The following NSUN2 variants were observed in gnomAD, a reference collection of about 807,000 sequenced individuals.
The protein encoded by NSUN2 is RNA cytosine C(5)-methyltransferase NSUN2.
NSUN2 carries 63 observed loss-of-function variants against 92.7 expected under a neutral mutation model. The ratio of observed to expected loss-of-function variants is 0.68; its 90% CI spans 0.56 to 0.84. The LOEUF is 0.84. Ranked by LOEUF, NSUN2 falls within the 40% of genes least tolerant of loss-of-function variation. The pLI is 0.00. For synonymous variants in NSUN2, 356 were observed against 348.3 expected, an observed-to-expected ratio of 1.02 and a Z score of -0.25; for missense variants, 989 against 964.9, an observed-to-expected ratio of 1.02 and a Z score of -0.33.
At chr5:6,617,287 A>C (rs1737250021) in intron 8 of NSUN2, among the ~76,000 whole-genome samples, 1 of 152,202 alleles carries the variant, frequency 6.6e-6, no homozygotes. Context: ...GCCTCCTGCT[A>C]TAGTTGGTTG....
At chr5:6,630,110 A>G (rs1737815580) in intron 3 of NSUN2, among the ~76,000 whole-genome samples, 1 of 152,202 alleles carries the variant, frequency 6.6e-6, no homozygotes, top group Admixed American at 6.5e-5. Context: ...CCTAGTTACC[A>G]GGAGGAAGAA....
chr5:6,631,593 G>A (rs540881169), intron 3 of NSUN2, among the ~76,000 whole-genome samples: 1 of 152,350 alleles, frequency 6.6e-6, no homozygotes, highest in African/African-American at 2.4e-5. Flanking sequence ...AACAAGGGCT[G>A]TAAAAGGGAG....
intron 4 of NSUN2, among the ~76,000 whole-genome samples, chr5:6,624,999 C>T (rs373415210): frequency 5.3e-5 from 8 of 151,706 alleles, no homozygotes; most frequent in Admixed American, 6.6e-5. Context: ...TGGGTGGCTA[C>T]GGAGAATGTG....
In NSUN2 at chr5:6,632,752, C is replaced by T; in HGVS notation, c.101G>A (p.Trp34Ter). 6.2e-7 allele frequency: 1 copy of T among 1,613,600 alleles called. No individual in the cohort carries two copies. Among genetic ancestry groups the T allele is most frequent in the Non-Finnish European group, 8.5e-7 (1 of 1,179,712 alleles). ...GACGATCTCGGGGTAGCCTCCTTCC[C>T]AGCCCTGAGGAAGGAAAGAGACGTC... ...EGGGKRGEAG[W>*]EGGYPEIVKE... The change falls in exon 2 of 19, where the codon TGG (tryptophan) becomes TAG (stop). Residue 34 changes from tryptophan to a stop codon, truncating the protein, a stop_gained. Coordinates refer to ENST00000264670, the MANE Select transcript of NSUN2 (RefSeq NM_017755.6). LOFTEE classifies it high-confidence loss of function.
chr5:6,627,741 G>C (rs1361881457), intron 3 of NSUN2, among the ~76,000 whole-genome samples: 3 of 152,244 alleles, frequency 2.0e-5, no homozygotes, highest in African/African-American at 7.2e-5. Context: ...GCGAGGCCCT[G>C]TTTCTACAAG....
At chr5:6,602,666 G>C (rs1398130701) in intron 17 of NSUN2, among the ~76,000 whole-genome samples, 166 bp from the exon 18 acceptor site, 3 of 152,176 alleles carry the variant, frequency 2.0e-5, no homozygotes, top group Admixed American at 6.5e-5. Flanking sequence ...AGGCCGTCTG[G>C]ATACATGAAC....
chr5:6,611,181 T>C lies in NSUN2; in HGVS notation c.1096-96A>G, dbSNP rs1736974727. ...TATCCATTCTCTCAAAGGTGACAAA[T>C]GGTGATTCTCATTCACTCCAAAGAT... On this transcript the variant is annotated intron_variant, in intron 10 of 18. Transcript: ENST00000264670. 4 of 1,375,886 alleles carry C rather than the reference T, an allele frequency of 2.9e-6. No homozygotes were observed. In the African/African-American group the frequency reaches 4.3e-5, roughly 15 times the overall value. The allele number at this position is 1,375,886 out of a possible 1,614,324, so 85.2% of individuals were successfully genotyped here. A position where few individuals can be genotyped will look rare whatever the true frequency, so the allele number is the denominator to read the frequency against.
chr5:6,605,381 G>A lies in NSUN2; in HGVS notation c.1629C>T (p.Phe543=). The A allele has an allele frequency of 6.2e-7, 1 of 1,614,084 alleles. No individual in the cohort carries two copies. Among genetic ancestry groups the A allele is most frequent in the Non-Finnish European group, 8.5e-7 (1 of 1,179,984 alleles). The change falls in exon 15 of 19, where the codon TTC becomes TTT. Residue 543 remains phenylalanine, a synonymous_variant. Transcript: ENST00000264670. ...TCCGAGTTAACAAATTCATCCTTGG[G>A]AATGAAGGATCCAAAGCATAAAATT... The part of the protein sequence containing the change: ...IEKFYALDPS[F]PRMNLLTRTT...
Position 6,599,964 on chromosome 5 carries a change from C to T in NSUN2, c.2266G>A (p.Ala756Thr). ...TGGACCCCCGCCGGGTCACAGCCTG[C>T]TGTCACGTCTGGACTGTTGGCCTCT... ...AEEANSPDVTAGCDPAGVHPP... is the reference protein window; with the variant it reads ...AEEANSPDVTTGCDPAGVHPP... The change falls in exon 19 of 19, where the codon GCA (alanine) becomes ACA (threonine). Residue 756 changes from alanine to threonine, a missense_variant. Physicochemically the swap from Ala to Thr is moderately conservative, Grantham distance 58. Around this residue, in one of 3 missense-constraint regions of NSUN2, gnomAD observed 626 missense variants for 602.3 expected, o/e 1.04. Transcript: ENST00000264670. 1 of 1,614,118 alleles carries T rather than the reference C, an allele frequency of 6.2e-7. No individual in the cohort carries two copies. The highest frequency in any genetic ancestry group is 8.5e-7 in the Non-Finnish European group (1 of 1,180,046).
At chr5:6,616,961 C>A in intron 8 of NSUN2, 104 bp from the exon 9 acceptor site, 2 of 1,020,570 alleles carry the variant, frequency 2.0e-6, no homozygotes, top group Non-Finnish European at 2.7e-6. Context: ...TTTTATAACA[C>A]AATTATACTT....
At chr5:6,619,878 T>C (rs1737364644) in intron 7 of NSUN2, among the ~76,000 whole-genome samples, 1 of 152,222 alleles carries the variant, frequency 6.6e-6, no homozygotes, top group Admixed American at 6.5e-5. Context: ...TTTATCTTTC[T>C]GCAGGCTATT....
intron 2 of NSUN2, 45 bp from the exon 3 acceptor site, chr5:6,632,022 T>G: frequency 1.4e-6 from 2 of 1,416,910 alleles, no homozygotes; most frequent in Non-Finnish European, 2.0e-6. Context: ...AAAAACTAAG[T>G]TAATACATTG....
rs1181246837 is a variant in NSUN2 at position 6,633,014 on chromosome 5, C to A, written c.-35G>T. On this transcript the variant is annotated 5_prime_UTR_variant, in exon 1 of 19. Coordinates refer to ENST00000264670, the MANE Select transcript of NSUN2 (RefSeq NM_017755.6). Reference sequence around the variant, plus strand: ...GGCCGCGCACGCAGCACGCAGAAACCGGCCCGCCACGGCCAGAACTCTAGC... The same window carrying A: ...GGCCGCGCACGCAGCACGCAGAAACAGGCCCGCCACGGCCAGAACTCTAGC... 7 of 1,412,536 alleles carry A rather than the reference C, an allele frequency of 5.0e-6. No homozygotes were observed. The highest frequency in any genetic ancestry group is 4.5e-5 in the African/African-American group (3 of 66,154). 87.5% of individuals were successfully genotyped at this position (1,412,536 alleles called of 1,614,324 possible). A position where few individuals can be genotyped will look rare whatever the true frequency, so the allele number is the denominator to read the frequency against.
In NSUN2 at chr5:6,632,889, C is replaced by T. The variant is rs1439876594; in HGVS notation, c.91G>A (p.Glu31Lys). The T allele has an allele frequency of 1.3e-6, 2 of 1,531,652 alleles. No individual in the cohort carries two copies. Among genetic ancestry groups the T allele is most frequent in the South Asian group, 1.2e-5 (1 of 83,816 alleles). 94.9% of individuals were successfully genotyped at this position (1,531,652 alleles called of 1,614,324 possible). A position where few individuals can be genotyped will look rare whatever the true frequency, so the allele number is the denominator to read the frequency against. ...CGCCGGGTCCCGGCTCCTACCGCCT[C>T]GCCGCGCTTTCCACCACCCTCGGCG... is the stretch of plus-strand genomic sequence containing the variant. ...DGAEGGGKRGEAGWEGGYPEI... is the reference protein window; with the variant it reads ...DGAEGGGKRGKAGWEGGYPEI... Residue 31 changes from glutamate to lysine, a missense_variant, in exon 1 of 19, where the codon GAG (glutamate) becomes AAG (lysine). Transcript: ENST00000264670.
chr5:6,620,296 C>A lies in NSUN2; in HGVS notation c.625G>T (p.Gly209Ter). ...TCCACATCATTCGCAATAACAAATCCCTCTGAAGGCACAGAATTGCAGTGT... is the reference window on the plus strand; with the variant it reads ...TCCACATCATTCGCAATAACAAATCACTCTGAAGGCACAGAATTGCAGTGT... ...HADMNVPFPE[G>*]FVIANDVDNK... is the part of the protein sequence containing the mutation. Residue 209 changes from glycine (G) to a stop codon, truncating the protein, a stop_gained and splice_region_variant, in exon 7 of 19, where the codon GGA becomes TGA. Coordinates refer to ENST00000264670, the MANE Select transcript of NSUN2 (RefSeq NM_017755.6). LOFTEE classifies it high-confidence loss of function. 1 of 1,577,290 alleles carries A rather than the reference C, an allele frequency of 6.3e-7. No homozygotes were observed. The highest frequency in any genetic ancestry group is 8.6e-7 in the Non-Finnish European group (1 of 1,162,126).
At chr5:6,632,167 A>C (rs913057219) in intron 2 of NSUN2, among the ~76,000 whole-genome samples, 190 bp from the exon 3 acceptor site, 1 of 152,010 alleles carries the variant, frequency 6.6e-6, no homozygotes, top group Admixed American at 6.6e-5. Flanking sequence ...TTGAGCCCTA[A>C]GAGCAACACT....
At chr5:6,614,027 T>C (rs1387627332) in intron 9 of NSUN2, among the ~76,000 whole-genome samples, 1 of 136,924 alleles carries the variant, frequency 7.3e-6, no homozygotes, top group African/African-American at 2.8e-5. Flanking sequence ...ACCCGGGAGA[T>C]GGAGGTTGCA....
In NSUN2 at chr5:6,631,909, T is replaced by C; in HGVS notation, c.323A>G (p.Asp108Gly). 1 of 1,614,112 alleles carries C rather than the reference T, an allele frequency of 6.2e-7. No homozygotes were observed. Among genetic ancestry groups the C allele is most frequent in the East Asian group, 2.2e-5 (1 of 44,878 alleles). The part of the protein sequence containing the change: ...YFKELEDLEV[D>G]GQKVEVPQPL... Reference sequence around the variant, plus strand: ...CTGTGGAACTTCAACTTTCTGACCGTCCACCTCCAGGTCCTCCAATTCCTT... The same window carrying C: ...CTGTGGAACTTCAACTTTCTGACCGCCCACCTCCAGGTCCTCCAATTCCTT... Residue 108 changes from aspartate to glycine, a missense_variant, in exon 3 of 19, where the codon GAC becomes GGC. Coordinates refer to ENST00000264670, the MANE Select transcript of NSUN2 (RefSeq NM_017755.6).
At chr5:6,622,774 G>A (rs1214926321) in intron 5 of NSUN2, among the ~76,000 whole-genome samples, 5 of 151,470 alleles carry the variant, frequency 3.3e-5, no homozygotes, top group Non-Finnish European at 5.9e-5. Flanking sequence ...CTGAACTCAG[G>A]AGGCGGAGGT....
Sources: gnomAD v4.1 joint callset for allele counts (sites outside exome capture counted in the v4.1 genomes callset) on GRCh38, gnomAD v4.1.1 for gene constraint, gnomAD v4.1.1 regional missense constraint, MANE v1.5 for transcripts, NCBI Gene and HGNC (gene_info 2026-07-23, HGNC 2026-07-21) for gene names.